The following DPP6 variants were observed in gnomAD, a reference collection of about 807,000 sequenced individuals.
The protein encoded by DPP6 is A-type potassium channel modulatory protein DPP6.
DPP6 carries 69 observed loss-of-function variants against 122.6 expected under a neutral mutation model. That is an observed-to-expected ratio of 0.56 (90% CI 0.46 to 0.69). The LOEUF (loss-of-function observed/expected upper bound fraction) is 0.69. Ranked by LOEUF, DPP6 falls within the 30% of genes least tolerant of loss-of-function variation. The pLI, the probability that DPP6 is intolerant of heterozygous loss-of-function variation, is 0.00. For missense variants in DPP6, 928 were observed against 1,116.9 expected (o/e 0.83, Z 2.41); for synonymous variants, 418 against 433.1 (o/e 0.97, Z 0.43).
At chr7:154,250,066 C>T (rs756080573) in intron 1 of DPP6, among the ~76,000 whole-genome samples, 7 of 152,006 alleles carry the variant, frequency 4.6e-5, no homozygotes, top group African/African-American at 9.7e-5. Flanking sequence ...TGTTCTGTTC[C>T]GTTCTAATTA....
the DPP6 span, among the ~76,000 whole-genome samples, chr7:153,790,611 T>C: frequency 6.6e-6 from 1 of 152,190 alleles, no homozygotes; most frequent in Non-Finnish European, 1.5e-5. Context: ...TGTTGTAAAA[T>C]GTTTCCGTTG....
chr7:154,561,536 G>A (rs1385925663), intron 4 of DPP6, among the ~76,000 whole-genome samples: 4 of 152,084 alleles, frequency 2.6e-5, no homozygotes, highest in Non-Finnish European at 5.9e-5. Flanking sequence ...TTAAGTGAAT[G>A]AAAATAAAAG....
chr7:154,325,055 C>A (rs1192246738), intron 1 of DPP6, among the ~76,000 whole-genome samples: 2 of 151,826 alleles, frequency 1.3e-5, no homozygotes, highest in East Asian at 3.9e-4. Context: ...TTAGTAGAGA[C>A]AAGGTTTTAC....
chr7:154,474,807 T>A, intron 2 of DPP6, 132 bp from the exon 3 acceptor site: 1 of 640,014 alleles, frequency 1.6e-6, no homozygotes, highest in South Asian at 1.9e-5. Flanking sequence ...CTGGCTTTTA[T>A]CCCCATTCAC....
intron 8 of DPP6, among the ~76,000 whole-genome samples, chr7:154,763,435 T>C (rs1489959348): frequency 5.3e-5 from 8 of 152,074 alleles, no homozygotes; most frequent in Non-Finnish European, 1.2e-4. Flanking sequence ...AATGGCTTGC[T>C]GCCGAGGGAA....
chr7:154,591,423 A>G (rs1027798943), intron 5 of DPP6, among the ~76,000 whole-genome samples: 6 of 152,196 alleles, frequency 3.9e-5, no homozygotes, highest in Non-Finnish European at 5.9e-5. Flanking sequence ...AACAGCAGTA[A>G]CAAGGACGAT....
chr7:154,417,163 C>A (rs918537115), intron 1 of DPP6, among the ~76,000 whole-genome samples: 8 of 152,160 alleles, frequency 5.3e-5, no homozygotes, highest in Admixed American at 5.2e-4. Flanking sequence ...ACTTGACTTT[C>A]GGGTGATCTC....
At chr7:154,493,043 C>A (rs1004442354) in intron 3 of DPP6, among the ~76,000 whole-genome samples, 8 of 152,106 alleles carry the variant, frequency 5.3e-5, no homozygotes, top group Admixed American at 6.6e-5. Context: ...TTTAGAAGAT[C>A]GTGCTTCTTA....
chr7:154,575,468 ATG>A (rs1382709891), intron 5 of DPP6, among the ~76,000 whole-genome samples: 6 of 11,676 alleles, frequency 5.1e-4, no homozygotes, highest in East Asian at 0.012. Context: ...GNGCGGGTGT[ATG>A]TGTGTGGTGT....
At chr7:154,770,057 G>A (rs1796163554) in intron 9 of DPP6, among the ~76,000 whole-genome samples, 1 of 152,190 alleles carries the variant, frequency 6.6e-6, no homozygotes. Flanking sequence ...ATGGTATTAG[G>A]AGGGAGATCA....
At chr7:154,447,157 T>G (rs1586298389) in intron 2 of DPP6, among the ~76,000 whole-genome samples, 4 of 151,978 alleles carry the variant, frequency 2.6e-5, no homozygotes, top group African/African-American at 4.8e-5. Context: ...AATACAAAAA[T>G]TAGCCAGGCG....
At chr7:154,663,784 TCGGCCATAGTGTTCATATAGTCATGG>T (rs1837935588) in intron 6 of DPP6, among the ~76,000 whole-genome samples, 2 of 110,896 alleles carry the variant, frequency 1.8e-5, no homozygotes, top group African/African-American at 6.0e-5. Flanking sequence ...CCATGGCGTA[TCGGCCATAGTGTTCATATAGTCATGG>T]TGAATCACCA....
chr7:154,360,778 A>G (rs1315335361), intron 1 of DPP6, among the ~76,000 whole-genome samples: 1 of 152,232 alleles, frequency 6.6e-6, no homozygotes, highest in Non-Finnish European at 1.5e-5. Flanking sequence ...GGGGCTTCAG[A>G]ATAACAGGAA....
intron 1 of DPP6, among the ~76,000 whole-genome samples, chr7:154,205,722 C>G (rs1328923579): frequency 6.6e-6 from 1 of 151,988 alleles, no homozygotes; most frequent in African/African-American, 2.4e-5. Flanking sequence ...TCTTTTACAG[C>G]TCAGACTGGG....
At chr7:153,780,862 C>G in the DPP6 span, among the ~76,000 whole-genome samples, 8 of 152,186 alleles carry the variant, frequency 5.3e-5, no homozygotes, top group East Asian at 1.4e-3. Flanking sequence ...AACATGTGGG[C>G]CTTCAATAAG....
intron 1 of DPP6, among the ~76,000 whole-genome samples, chr7:154,040,399 A>C (rs987679007): frequency 2.7e-5 from 4 of 150,720 alleles, no homozygotes; most frequent in Admixed American, 1.3e-4. Flanking sequence ...AAGTTGCAAG[A>C]TAAGGCAGCA....
At chr7:154,061,441 T>G (rs1801860319) in intron 1 of DPP6, among the ~76,000 whole-genome samples, 1 of 146,608 alleles carries the variant, frequency 6.8e-6, no homozygotes, top group Non-Finnish European at 1.5e-5. Context: ...TCTAAACAAC[T>G]AGACAGGGTT....
In DPP6 at chr7:154,566,841, G is replaced by A. The variant is rs776808218; in HGVS notation, c.553-1G>A. 1 of 1,552,356 alleles carries A rather than the reference G, an allele frequency of 6.4e-7. No homozygotes were observed. On this transcript the variant is annotated splice_acceptor_variant, in intron 4 of 25. Coordinates refer to ENST00000377770, the MANE Select transcript of DPP6 (RefSeq NM_130797.4). LOFTEE classifies it high-confidence loss of function. ...AATTCTTTGTCTATTTTTTCTTTTA[G>A]GAATCATTAAGAGCCATCAGATATG...
intron 1 of DPP6, among the ~76,000 whole-genome samples, chr7:154,154,431 C>T (rs1183024495): frequency 6.6e-6 from 1 of 152,190 alleles, no homozygotes; most frequent in Non-Finnish European, 1.5e-5. Context: ...AACCCATCCA[C>T]TCCTTCCCAC....
Sources: allele counts gnomAD v4.1 joint callset (sites outside exome capture counted in the v4.1 genomes callset), GRCh38; gene constraint gnomAD v4.1.1; transcripts MANE v1.5; gene names NCBI Gene and HGNC (gene_info 2026-07-23, HGNC 2026-07-21).